The following STK17A variants were observed in gnomAD, a reference collection of about 807,000 sequenced individuals.
STK17A encodes serine/threonine kinase 17a, also known as serine/threonine-protein kinase 17A.
In STK17A, 26 loss-of-function variants were observed where a neutral mutation model predicts 43.7. The ratio of observed to expected loss-of-function variants is 0.60; its 90% CI spans 0.44 to 0.83. The LOEUF (loss-of-function observed/expected upper bound fraction) is 0.83, where lower values mean the gene tolerates loss of function less well. Ranked by LOEUF, STK17A falls within the 40% of genes least tolerant of loss-of-function variation. The pLI is 0.00. For missense variants in STK17A, 476 were observed against 511.6 expected (o/e 0.93, Z 0.67); for synonymous variants, 191 against 182.5 (o/e 1.05, Z -0.38).
intron 3 of STK17A, among the ~76,000 whole-genome samples, chr7:43,614,669 G>C (rs1258185461): frequency 6.6e-6 from 1 of 152,184 alleles, no homozygotes; most frequent in Non-Finnish European, 1.5e-5. Context: ...CCATGAAATA[G>C]CTCTGATTTT....
chr7:43,586,368 G>A (rs2082439106), intron 1 of STK17A, among the ~76,000 whole-genome samples: 1 of 151,532 alleles, frequency 6.6e-6, no homozygotes, highest in East Asian at 1.9e-4. Context: ...GTAATGACAG[G>A]ATGTGATGTT....
Position 43,624,957 on chromosome 7 carries a change from A to G in STK17A, c.*115A>G. On this transcript the variant is annotated 3_prime_UTR_variant, in exon 7 of 7. Coordinates refer to ENST00000319357, the MANE Select transcript of STK17A (RefSeq NM_004760.3). ...AGTGGATAACCAGTATCACTTACAC[A>G]AACAAAAATAACTTTGTCAAATTTG... 2.1e-6 allele frequency: 2 copies of G among 955,384 alleles called. No homozygotes were observed. The highest frequency in any genetic ancestry group is 5.6e-5 in the East Asian group (2 of 35,810). 59.2% of individuals were successfully genotyped at this position (955,384 alleles called of 1,614,324 possible). A position where few individuals can be genotyped will look rare whatever the true frequency, so the allele number is the denominator to read the frequency against.
chr7:43,615,542 C>G (rs548095569), intron 3 of STK17A, among the ~76,000 whole-genome samples: 11 of 152,264 alleles, frequency 7.2e-5, no homozygotes, highest in African/African-American at 2.6e-4. Context: ...AGTCTGAGGA[C>G]TCATAGTCAT....
intron 2 of STK17A, among the ~76,000 whole-genome samples, chr7:43,607,647 C>CAAAAAAAAAAAAA (rs760624386): frequency 1.5e-4 from 8 of 54,350 alleles, no homozygotes; most frequent in South Asian, 8.0e-4. Flanking sequence ...GACTCCGTCT[C>CAAAAAAAAAAAAA]AAAAAAAAAA....
Position 43,625,567 on chromosome 7 carries a change from CACAT to C in STK17A, c.*726_*729del, listed in dbSNP as rs757480963. 6.6e-6 allele frequency: 1 copy of C among 152,274 alleles called. No individual in the cohort carries two copies. Among genetic ancestry groups the C allele is most frequent in the African/African-American group, 2.4e-5 (1 of 41,442 alleles). The allele number at this position is 152,274 out of a possible 1,614,324, so 9.4% of individuals were successfully genotyped here. ...GCTGCTTCCCTCATCACACCACACT[CACAT>C]GCATCTGTTCTCTCTCACACTCTAT... On this transcript the variant is annotated 3_prime_UTR_variant, in exon 7 of 7. Transcript: ENST00000319357.
Position 43,625,455 on chromosome 7 carries a change from AAT to A in STK17A, c.*614_*615del, listed in dbSNP as rs1469597471. 3 of 152,056 alleles carry A rather than the reference AAT, an allele frequency of 2.0e-5. No individual in the cohort carries two copies. The highest frequency in any genetic ancestry group is 7.2e-5 in the African/African-American group (3 of 41,396). The allele number at this position is 152,056 out of a possible 1,614,324, so 9.4% of individuals were successfully genotyped here. A position where few individuals can be genotyped will look rare whatever the true frequency, so the allele number is the denominator to read the frequency against. On this transcript the variant is annotated 3_prime_UTR_variant, in exon 7 of 7. Transcript: ENST00000319357. ...TAGTAACATATCAGTGAAAAACCCT[AAT>A]TTTTTTTCTCTTCAATGTCACTAGT...
At chr7:43,603,945 A>G (rs1314308375) in intron 2 of STK17A, among the ~76,000 whole-genome samples, 1 of 152,200 alleles carries the variant, frequency 6.6e-6, no homozygotes, top group Non-Finnish European at 1.5e-5. Flanking sequence ...TGTATATGCT[A>G]ATATTTCAAA....
intron 4 of STK17A, among the ~76,000 whole-genome samples, chr7:43,621,804 A>G (rs1263950247): frequency 6.6e-6 from 1 of 152,238 alleles, no homozygotes; most frequent in Non-Finnish European, 1.5e-5. Flanking sequence ...GAAAAAAACT[A>G]AAAATGATTC....
intron 1 of STK17A, among the ~76,000 whole-genome samples, chr7:43,585,121 C>T (rs1036212640): frequency 6.6e-6 from 1 of 151,976 alleles, no homozygotes; most frequent in Non-Finnish European, 1.5e-5. Context: ...CACTTGAACC[C>T]GGGAGGCGGA....
Position 43,626,853 on chromosome 7 carries a change from G to C in STK17A, c.*2011G>C, listed in dbSNP as rs2084603024. Reference sequence around the variant, plus strand: ...CACTTCAGTTTGCTGCGTATCTTTAGCTGCTGTTGTGCTTAAATACTGAGT... The same window carrying C: ...CACTTCAGTTTGCTGCGTATCTTTACCTGCTGTTGTGCTTAAATACTGAGT... On this transcript the variant is annotated 3_prime_UTR_variant, in exon 7 of 7. Coordinates refer to ENST00000319357, the MANE Select transcript of STK17A (RefSeq NM_004760.3). The C allele has an allele frequency of 6.6e-6, 1 of 152,108 alleles. No homozygotes were observed. Among genetic ancestry groups the C allele is most frequent in the Admixed American group, 6.6e-5 (1 of 15,264 alleles). 9.4% of individuals were successfully genotyped at this position (152,108 alleles called of 1,614,324 possible).
At chr7:43,590,008 C>A (rs2082469274) in intron 1 of STK17A, among the ~76,000 whole-genome samples, 1 of 148,604 alleles carries the variant, frequency 6.7e-6, no homozygotes, top group South Asian at 2.1e-4. Flanking sequence ...GGCTAGAGTA[C>A]AGTGGCATGA....
chr7:43,611,421 A>G (rs1217637713), intron 3 of STK17A, among the ~76,000 whole-genome samples: 1 of 152,202 alleles, frequency 6.6e-6, no homozygotes, highest in Non-Finnish European at 1.5e-5. Context: ...GCCACATGGT[A>G]CACAGTGGCG....
At chr7:43,599,795 A>T (rs544219479) in intron 2 of STK17A, among the ~76,000 whole-genome samples, 1 of 152,350 alleles carries the variant, frequency 6.6e-6, no homozygotes, top group East Asian at 1.9e-4. Context: ...CCTCAGAACC[A>T]GGGAAACCAA....
intron 1 of STK17A, among the ~76,000 whole-genome samples, chr7:43,584,511 A>G (rs1270484980): frequency 6.6e-6 from 1 of 152,224 alleles, no homozygotes; most frequent in African/African-American, 2.4e-5. Context: ...AGCATTTGTC[A>G]TGGTTGCAAA....
In STK17A at chr7:43,595,964, G is replaced by A. The variant is rs775091972; in HGVS notation, c.270G>A (p.Lys90=). The change falls in exon 2 of 7, where the codon AAG becomes AAA. Residue 90 remains lysine, a synonymous_variant. Transcript: ENST00000319357. The part of the protein sequence containing the change: ...KKDSGKEFAA[K]FMRKRRKGQD... Reference sequence around the variant, plus strand: ...ATTCTGGGAAAGAATTTGCTGCAAAGTTCATGAGAAAAAGAAGAAAAGGCC... The same window carrying A: ...ATTCTGGGAAAGAATTTGCTGCAAAATTCATGAGAAAAAGAAGAAAAGGCC... The A allele has an allele frequency of 4.3e-6, 7 of 1,613,752 alleles. No homozygotes were observed. Among genetic ancestry groups the A allele is most frequent in the African/African-American group, 4.0e-5 (3 of 74,900 alleles).
intron 1 of STK17A, among the ~76,000 whole-genome samples, chr7:43,591,062 T>C (rs1423031123): frequency 6.6e-6 from 1 of 151,464 alleles, no homozygotes; most frequent in Admixed American, 6.6e-5. Context: ...CCCCCTCCCA[T>C]TGCACCAGTC....
chr7:43,609,013 C>G (rs900714516), intron 3 of STK17A: 1 of 152,242 alleles, frequency 6.6e-6, no homozygotes, highest in African/African-American at 2.4e-5. Flanking sequence ...GACAGTATAT[C>G]AGTTATGTTC....
At chr7:43,619,150 G>C (rs556980359) in intron 3 of STK17A, among the ~76,000 whole-genome samples, 2 of 152,322 alleles carry the variant, frequency 1.3e-5, no homozygotes, top group South Asian at 4.1e-4. Flanking sequence ...GATTTGGTGG[G>C]TCTTTGATTA....
At chr7:43,595,590 T>C (rs1459167396) in intron 1 of STK17A, among the ~76,000 whole-genome samples, 1 of 152,166 alleles carries the variant, frequency 6.6e-6, no homozygotes, top group Non-Finnish European at 1.5e-5. Context: ...CTGGCTTTTT[T>C]AGAGACCTAA....
Sources: allele counts gnomAD v4.1 joint callset (sites outside exome capture counted in the v4.1 genomes callset), GRCh38; gene constraint gnomAD v4.1.1; transcripts MANE v1.5; gene names NCBI Gene and HGNC (gene_info 2026-07-23, HGNC 2026-07-21).